GRIA2: variants seen among roughly 807,000 people sequenced by gnomAD.
GRIA2 encodes glutamate ionotropic receptor AMPA type subunit 2.
Under a neutral mutation model 97.3 loss-of-function variants are expected in GRIA2, and 14 were observed. The ratio of observed to expected loss-of-function variants is 0.14; its 90% CI spans 0.10 to 0.23. The LOEUF is 0.23. GRIA2 is among the 10% of genes least tolerant of loss of function. The probability of loss-of-function intolerance (pLI) is 1.00; values close to 1 mark genes in which losing one functional copy is unlikely to be tolerated. For missense variants in GRIA2, 558 were observed against 1,069.8 expected (o/e 0.52, Z 6.67); for synonymous variants, 412 against 387.8 (o/e 1.06, Z -0.73).
intron 2 of GRIA2, among the ~76,000 whole-genome samples, chr4:157,258,336 G>T (rs1322025074): frequency 6.6e-6 from 1 of 151,936 alleles, no homozygotes; most frequent in Non-Finnish European, 1.5e-5. Flanking sequence ...ATTCCTAGGG[G>T]GAGGTCTCTA....
chr4:157,221,296 G>A (rs1579281085), intron 1 of GRIA2, 166 bp downstream of exon 1: 1 of 602,066 alleles, frequency 1.7e-6, no homozygotes, highest in Non-Finnish European at 2.9e-6. Context: ...TGAAGCAAAA[G>A]GAAAAGACTA....
intron 2 of GRIA2, among the ~76,000 whole-genome samples, chr4:157,269,350 C>G (rs1382402317): frequency 2.0e-5 from 3 of 151,990 alleles, no homozygotes; most frequent in Non-Finnish European, 4.4e-5. Context: ...TTAATAAAGT[C>G]CTGTGTTTTC....
intron 12 of GRIA2, among the ~76,000 whole-genome samples, chr4:157,357,895 A>ACT (rs1736463076): frequency 6.6e-6 from 1 of 152,148 alleles, no homozygotes; most frequent in Non-Finnish European, 1.5e-5. Flanking sequence ...TGAAACAGAA[A>ACT]ATGTTATTGC....
chr4:157,243,953 T>C (rs1266354624), intron 2 of GRIA2, among the ~76,000 whole-genome samples: 2 of 151,826 alleles, frequency 1.3e-5, no homozygotes, highest in East Asian at 3.9e-4. Flanking sequence ...AAAAAAAAGA[T>C]TATAGCTTGA....
At chr4:157,291,288 T>C (rs530539052) in intron 2 of GRIA2, among the ~76,000 whole-genome samples, 6 of 152,136 alleles carry the variant, frequency 3.9e-5, no homozygotes, top group Non-Finnish European at 8.8e-5. Context: ...CTCCATCTTC[T>C]GGCCTTTACT....
At chr4:157,341,576 T>G (rs770220931) in intron 12 of GRIA2, 114 bp downstream of exon 12, 8 of 702,766 alleles carry the variant, frequency 1.1e-5, no homozygotes, top group Non-Finnish European at 2.0e-5. Context: ...CCCCTAATTC[T>G]ATTTCTTTTC....
At chr4:157,282,358 T>C (rs1253158361) in intron 2 of GRIA2, among the ~76,000 whole-genome samples, 1 of 152,090 alleles carries the variant, frequency 6.6e-6, no homozygotes, top group Non-Finnish European at 1.5e-5. Context: ...AGGTACCCTT[T>C]CTATTAAGTA....
At chr4:157,359,811 G>GA in intron 12 of GRIA2, 85 bp from the exon 13 acceptor site, 1 of 1,225,382 alleles carries the variant, frequency 8.2e-7, no homozygotes, top group South Asian at 1.4e-5. Context: ...TCTATGTTTT[G>GA]AAAAGTAATA....
chr4:157,245,001 T>A (rs1320984742), intron 2 of GRIA2, among the ~76,000 whole-genome samples: 1 of 151,948 alleles, frequency 6.6e-6, no homozygotes, highest in Non-Finnish European at 1.5e-5. Flanking sequence ...TTCACTGGAT[T>A]AAAAAAATAC....
At chr4:157,358,408 C>T (rs1240878420) in intron 12 of GRIA2, among the ~76,000 whole-genome samples, 1 of 152,080 alleles carries the variant, frequency 6.6e-6, no homozygotes, top group Non-Finnish European at 1.5e-5. Flanking sequence ...GCTTTTACAA[C>T]AGAAAGAAAG....
intron 2 of GRIA2, among the ~76,000 whole-genome samples, chr4:157,236,166 A>T (rs138461257): frequency 2.7e-4 from 41 of 152,186 alleles, no homozygotes; most frequent in African/African-American, 9.6e-4. Flanking sequence ...ATGATTTAGA[A>T]TGTAAAACAT....
Position 157,347,369 on chromosome 4 carries a change from A to T in GRIA2, c.2043+5907A>T, listed in dbSNP as rs537372928. On this transcript the variant is annotated intron_variant, in intron 12 of 15. Transcript: ENST00000264426. ...CTTTTAAAGACCACTCTTGCCATAC[A>T]CTCGCTAAATAATTTGACTAATAAG... Among the ~76,000 whole-genome samples, 115 of 152,228 alleles carry T rather than the reference A, an allele frequency of 7.6e-4. 4 individuals carry two copies. The South Asian group carries it at 0.021, about 28-fold the overall frequency.
At chr4:157,252,886 A>G (rs184266604) in intron 2 of GRIA2, among the ~76,000 whole-genome samples, 27 of 152,238 alleles carry the variant, frequency 1.8e-4, no homozygotes, top group Non-Finnish European at 3.7e-4. Flanking sequence ...TAAAATTGCT[A>G]TCTAGTTCAA....
chr4:157,302,541 A>G (rs1030961732), intron 2 of GRIA2, among the ~76,000 whole-genome samples: 19 of 152,074 alleles, frequency 1.2e-4, no homozygotes, highest in Admixed American at 1.1e-3. Flanking sequence ...ATATTATTCT[A>G]TGTGTCAATC....
intron 2 of GRIA2, among the ~76,000 whole-genome samples, chr4:157,254,543 A>T (rs1054904410): frequency 3.3e-5 from 5 of 152,096 alleles, no homozygotes; most frequent in Non-Finnish European, 7.4e-5. Context: ...TCAATATGAA[A>T]ATGGTCAAGG....
intron 2 of GRIA2, among the ~76,000 whole-genome samples, chr4:157,245,727 A>G (rs887779512): frequency 3.3e-5 from 5 of 152,096 alleles, no homozygotes; most frequent in African/African-American, 1.2e-4. Flanking sequence ...GATAATCTTT[A>G]TCACAAAATA....
In GRIA2 at chr4:157,348,459, G is replaced by A. The variant is rs971991714; in HGVS notation, c.2043+6997G>A. Reference sequence around the variant, plus strand: ...TCCCTATGTTGCCCAGGCTGGTCTCGAGCTCCTGGGCTCAAGTGATCCTCC... The same window carrying A: ...TCCCTATGTTGCCCAGGCTGGTCTCAAGCTCCTGGGCTCAAGTGATCCTCC... On this transcript the variant is annotated intron_variant, in intron 12 of 15. Coordinates refer to ENST00000264426, the MANE Select transcript of GRIA2 (RefSeq NM_001083619.3). 8.5e-5 allele frequency among the ~76,000 whole-genome samples: 13 copies of A among 152,098 alleles called. No homozygotes were observed. The South Asian group carries it at 1.2e-3, about 15-fold the overall frequency.
chr4:157,355,419 C>A (rs1027501529), intron 12 of GRIA2, among the ~76,000 whole-genome samples: 7 of 150,578 alleles, frequency 4.6e-5, no homozygotes, highest in Non-Finnish European at 1.0e-4. Flanking sequence ...TCCCAGCTAC[C>A]CAGGAGGCTG....
intron 2 of GRIA2, among the ~76,000 whole-genome samples, chr4:157,278,259 T>C (rs891001783): frequency 2.0e-5 from 3 of 151,812 alleles, no homozygotes; most frequent in Non-Finnish European, 4.4e-5. Flanking sequence ...CAGAGTGATA[T>C]TGGTAAAACA....
Sources: allele counts gnomAD v4.1 joint callset (sites outside exome capture counted in the v4.1 genomes callset), GRCh38; gene constraint gnomAD v4.1.1; transcripts MANE v1.5; gene names NCBI Gene and HGNC (gene_info 2026-07-23, HGNC 2026-07-21).